RUNX2: variants seen among roughly 807,000 people sequenced by gnomAD.
The protein encoded by RUNX2 is RUNX family transcription factor 2.
A neutral mutation model predicts 51.7 loss-of-function variants in RUNX2; 10 were observed. That is an observed-to-expected ratio of 0.19 (90% CI 0.12 to 0.33). The LOEUF (loss-of-function observed/expected upper bound fraction) is 0.33, where lower values mean the gene tolerates loss of function less well. RUNX2 is among the 10% of genes least tolerant of loss of function. RUNX2 has a pLI of 1.00. For synonymous variants in RUNX2, 276 were observed against 273.6 expected, an observed-to-expected ratio of 1.01 and a Z score of -0.09; for missense variants, 562 against 691.3, an observed-to-expected ratio of 0.81 and a Z score of 2.10.
At chr6:45,376,821 T>C (rs1391054707) in intron 2 of RUNX2, among the ~76,000 whole-genome samples, 1 of 151,794 alleles carries the variant, frequency 6.6e-6, no homozygotes, top group Non-Finnish European at 1.5e-5. Context: ...TCACATATAC[T>C]AAGACCCCAG....
At chr6:45,536,313 G>A (rs751017045) in intron 7 of RUNX2, among the ~76,000 whole-genome samples, 1 of 152,070 alleles carries the variant, frequency 6.6e-6, no homozygotes, top group Non-Finnish European at 1.5e-5. Context: ...ATAAGCATAG[G>A]TCCTCACAGG....
At position 45,431,970 on chromosome 6, in the gene RUNX2, C is replaced by T. The variant is rs147359883; in HGVS notation, c.531C>T (p.Asn177=). The T allele has an allele frequency of 1.2e-6, 2 of 1,614,082 alleles. No homozygotes were observed. The highest frequency in any genetic ancestry group is 1.7e-6 in the Non-Finnish European group (2 of 1,180,012). ...GGAATGCCTCTGCTGTTATGAAAAA[C>T]CAAGTAGCAAGGTTCAACGATCTGA... ...ELRNASAVMK[N]QVARFNDLRF... is the part of the protein sequence containing the mutation. Residue 177 remains asparagine, a synonymous_variant, in exon 4 of 9, where the codon AAC becomes AAT. Transcript: ENST00000647337.
In RUNX2 at chr6:45,426,870, A is replaced by G. The variant is rs12663875; in HGVS notation, c.423+3913A>G. Among the ~76,000 whole-genome samples, 79 of 152,304 alleles carry G rather than the reference A, an allele frequency of 5.2e-4. No homozygotes were observed. The East Asian group carries it at 0.014, about 28-fold the overall frequency. On this transcript the variant is annotated intron_variant, in intron 3 of 8. Coordinates refer to ENST00000647337, the MANE Select transcript of RUNX2 (RefSeq NM_001024630.4). Reference sequence around the variant, plus strand: ...TCGAAAACAAATATACAACTGGTAAATACTTGATACCAGTGAGTAGTATTT... The same window carrying G: ...TCGAAAACAAATATACAACTGGTAAGTACTTGATACCAGTGAGTAGTATTT...
intron 5 of RUNX2, among the ~76,000 whole-genome samples, chr6:45,461,571 C>T (rs1799477330): frequency 6.6e-6 from 1 of 152,138 alleles, no homozygotes; most frequent in Non-Finnish European, 1.5e-5. Context: ...GATGGGGAAA[C>T]ACTCATGAAA....
intron 5 of RUNX2, among the ~76,000 whole-genome samples, chr6:45,490,013 A>G (rs1362278221): frequency 6.6e-6 from 1 of 152,216 alleles, no homozygotes; most frequent in East Asian, 1.9e-4. Flanking sequence ...AGAGAAAGCT[A>G]GAATACCAGC....
At chr6:45,415,709 A>G (rs1467457) in intron 2 of RUNX2, among the ~76,000 whole-genome samples, 3,073 of 152,284 alleles carry the variant, frequency 0.02, 77 homozygotes, top group East Asian at 0.1. Context: ...CAAGTTAACC[A>G]GGAAGCAAAA....
At chr6:45,454,609 C>T (rs1338501928) in intron 5 of RUNX2, among the ~76,000 whole-genome samples, 1 of 152,136 alleles carries the variant, frequency 6.6e-6, no homozygotes, top group African/African-American at 2.4e-5. Context: ...TCCTTTCATT[C>T]CTTTCTAAAT....
At chr6:45,545,385 T>C in intron 8 of RUNX2, 103 bp downstream of exon 8, 1 of 1,274,414 alleles carries the variant, frequency 7.8e-7, no homozygotes, top group Non-Finnish European at 1.1e-6. Context: ...ATGTTGCTTT[T>C]AAAGAGTCAC....
At position 45,547,607 on chromosome 6, in the gene RUNX2, C is replaced by A. The variant is rs1802442409; in HGVS notation, c.*302C>A. On this transcript the variant is annotated 3_prime_UTR_variant, in exon 9 of 9. Transcript: ENST00000647337. ...GGTATTTTTGTTTTTGTTGTTTGGT[C>A]TGTTATCATCAATAACCTGTTCATA... The A allele has an allele frequency of 7.2e-6, 3 of 414,656 alleles. No individual in the cohort carries two copies. The highest frequency in any genetic ancestry group is 1.4e-5 in the Non-Finnish European group (3 of 222,000). The allele number at this position is 414,656 out of a possible 1,614,324, so 25.7% of individuals were successfully genotyped here. A position where few individuals can be genotyped will look rare whatever the true frequency, so the allele number is the denominator to read the frequency against.
chr6:45,404,191 C>T (rs1797780482), intron 2 of RUNX2, among the ~76,000 whole-genome samples: 2 of 129,870 alleles, frequency 1.5e-5, no homozygotes, highest in African/African-American at 3.0e-5. Context: ...AACCAGGTGG[C>T]AGAGGTTGCA....
intron 5 of RUNX2, among the ~76,000 whole-genome samples, chr6:45,469,503 AAT>A (rs1487433916): frequency 1.1e-4 from 17 of 152,346 alleles, no homozygotes; most frequent in Non-Finnish European, 2.2e-4. Flanking sequence ...CATACTTATG[AAT>A]ATGTGTCCAC....
At chr6:45,437,404 G>T (rs971961136) in intron 4 of RUNX2, among the ~76,000 whole-genome samples, 11 of 152,290 alleles carry the variant, frequency 7.2e-5, no homozygotes, top group Admixed American at 3.9e-4. Context: ...TTACGGCCAG[G>T]ACAGGAGACA....
At chr6:45,442,331 T>C (rs1798865161) in intron 5 of RUNX2, among the ~76,000 whole-genome samples, 1 of 152,234 alleles carries the variant, frequency 6.6e-6, no homozygotes, top group Non-Finnish European at 1.5e-5. Context: ...GCAAGCTAGC[T>C]CTGAAGAACA....
rs1321626501 is a variant in RUNX2 at position 45,550,817 on chromosome 6, T to C, written c.*3512T>C. On this transcript the variant is annotated 3_prime_UTR_variant, in exon 9 of 9. Coordinates refer to ENST00000647337, the MANE Select transcript of RUNX2 (RefSeq NM_001024630.4). ...TAGGTTTCTGTGGAACAAAAATATT[T>C]GTAGCATTTTGTGTAAATACAAGCT... 6.5e-6 allele frequency: 1 copy of C among 152,694 alleles called. No homozygotes were observed. Among genetic ancestry groups the C allele is most frequent in the Non-Finnish European group, 1.5e-5 (1 of 68,050 alleles). 9.5% of individuals were successfully genotyped at this position (152,694 alleles called of 1,614,324 possible).
chr6:45,503,015 C>T lies in RUNX2; in HGVS notation c.860-9231C>T, dbSNP rs532348381. On this transcript the variant is annotated intron_variant, in intron 6 of 8. Transcript: ENST00000647337. ...TTGCCTTCTTCCCAGGAACTGGACA[C>T]GGGCCTAAAGCCCTCTTAACCTCCC... Among the ~76,000 whole-genome samples, 11 of 152,292 alleles carry T rather than the reference C, an allele frequency of 7.2e-5. No individual in the cohort carries two copies. In the South Asian group the frequency reaches 1.2e-3, roughly 17 times the overall value.
At chr6:45,371,758 G>C (rs1157833727) in intron 2 of RUNX2, 1 of 802,644 alleles carries the variant, frequency 1.2e-6, no homozygotes, top group Non-Finnish European at 1.5e-6. Context: ...GAAAATCTTA[G>C]GTAGATGGAT....
chr6:45,471,722 C>A (rs1327533034), intron 5 of RUNX2, among the ~76,000 whole-genome samples: 1 of 152,168 alleles, frequency 6.6e-6, no homozygotes, highest in African/African-American at 2.4e-5. Context: ...CAGGCGTGAG[C>A]CACCGCTGCC....
intron 2 of RUNX2, among the ~76,000 whole-genome samples, chr6:45,351,147 A>G (rs1791939781): frequency 6.6e-6 from 1 of 152,206 alleles, no homozygotes; most frequent in South Asian, 2.1e-4. Context: ...CCCTGCTGCC[A>G]AAATGGTTGA....
chr6:45,546,980 C>T lies in RUNX2; in HGVS notation c.1241C>T (p.Ala414Val). The change falls in exon 9 of 9, where the codon GCC becomes GTC. Residue 414 changes from alanine to valine, a missense_variant. Around this residue, in one of 5 missense-constraint regions of RUNX2, gnomAD observed 304 missense variants for 353.2 expected, o/e 0.86. Transcript: ENST00000647337. ...VTSGMSLGMS[A>V]TTHYHTYLPP... ...TCAGGCATGTCCCTCGGTATGTCCG[C>T]CACCACTCACTACCACACCTACCTG... 6.2e-7 allele frequency: 1 copy of T among 1,614,020 alleles called. No individual in the cohort carries two copies. Among genetic ancestry groups the T allele is most frequent in the Non-Finnish European group, 8.5e-7 (1 of 1,180,002 alleles).
Sources: allele counts gnomAD v4.1 joint callset (sites outside exome capture counted in the v4.1 genomes callset), GRCh38; gene constraint gnomAD v4.1.1; regional missense constraint gnomAD v4.1.1; transcripts MANE v1.5; gene names NCBI Gene and HGNC (gene_info 2026-07-23, HGNC 2026-07-21).